RBMS3: variants seen among roughly 807,000 people sequenced by gnomAD.
The protein encoded by RBMS3 is RNA binding motif single stranded interacting protein 3, also known as RNA-binding motif, single-stranded-interacting protein 3.
Under a neutral mutation model 66.8 loss-of-function variants are expected in RBMS3, and 27 were observed. The ratio of observed to expected loss-of-function variants is 0.40; its 90% CI spans 0.30 to 0.56. RBMS3 has a LOEUF of 0.56. RBMS3 is among the 20% of genes least tolerant of loss of function. RBMS3 has a pLI of 0.40. For synonymous variants in RBMS3, 188 were observed against 183.0 expected (o/e 1.03, Z -0.22); for missense variants, 513 against 549.5 (o/e 0.93, Z 0.66).
chr3:29,409,155 T>A (rs1288896257), intron 1 of RBMS3, among the ~76,000 whole-genome samples: 1 of 150,690 alleles, frequency 6.6e-6, no homozygotes, highest in Admixed American at 6.6e-5. Context: ...ATTTTCTGTA[T>A]AACAAATAGA....
At chr3:29,753,270 A>T (rs2055261659) in intron 5 of RBMS3, among the ~76,000 whole-genome samples, 1 of 152,148 alleles carries the variant, frequency 6.6e-6, no homozygotes, top group Non-Finnish European at 1.5e-5. Context: ...GAACGATCCC[A>T]CTTTTACATT....
At chr3:29,518,644 C>T (rs1248212599) in intron 3 of RBMS3, among the ~76,000 whole-genome samples, 1 of 152,200 alleles carries the variant, frequency 6.6e-6, no homozygotes, top group Non-Finnish European at 1.5e-5. Context: ...ATTTTCATCT[C>T]GTCAACACAT....
At position 29,871,013 on chromosome 3, in the gene RBMS3, A is replaced by C. The variant is rs143665885; in HGVS notation, c.744+2049A>C. ...TGGATAACTGTGTGCCCATCACTTT[A>C]TATTTTTTGCTTCCATTTCCCCCTT... On this transcript the variant is annotated intron_variant, in intron 7 of 14. Transcript: ENST00000383767. Among the ~76,000 whole-genome samples the C allele has an allele frequency of 2.8e-4, 42 of 152,204 alleles. 1 individual carries two copies. The highest frequency in any genetic ancestry group is 9.6e-4 in the African/African-American group (40 of 41,554).
At chr3:29,637,545 A>G (rs1259247784) in intron 4 of RBMS3, among the ~76,000 whole-genome samples, 1 of 151,894 alleles carries the variant, frequency 6.6e-6, no homozygotes, top group African/African-American at 2.4e-5. Flanking sequence ...TAAGTTTCTT[A>G]TCTTGGAGAT....
At chr3:29,297,543 A>G (rs892998401) in intron 1 of RBMS3, among the ~76,000 whole-genome samples, 2 of 151,676 alleles carry the variant, frequency 1.3e-5, no homozygotes, top group African/African-American at 4.8e-5. Context: ...TCATATAGAG[A>G]TTTGCTCTCA....
intron 10 of RBMS3, among the ~76,000 whole-genome samples, chr3:29,900,920 TC>T (rs1296467158): frequency 1.3e-5 from 2 of 151,758 alleles, no homozygotes; most frequent in African/African-American, 4.8e-5. Context: ...TTTCCTGAAC[TC>T]AGAAAATTAG....
chr3:29,482,986 G>A (rs939659428), intron 2 of RBMS3, among the ~76,000 whole-genome samples: 1 of 151,786 alleles, frequency 6.6e-6, no homozygotes, highest in Admixed American at 6.6e-5. Flanking sequence ...GATTACAGAC[G>A]TGAGCCGCCG....
chr3:29,569,544 A>G (rs1210663969), intron 3 of RBMS3, among the ~76,000 whole-genome samples: 1 of 152,174 alleles, frequency 6.6e-6, no homozygotes, highest in Non-Finnish European at 1.5e-5. Flanking sequence ...TTGTCTCATA[A>G]GATTCTGATA....
chr3:29,495,186 A>G (rs1420660472), intron 3 of RBMS3, among the ~76,000 whole-genome samples: 1 of 147,994 alleles, frequency 6.8e-6, no homozygotes, highest in African/African-American at 2.5e-5. Context: ...TATAGAGAGG[A>G]TTTAGAGCCC....
intron 12 of RBMS3, among the ~76,000 whole-genome samples, chr3:29,987,480 C>T (rs368594437): frequency 4.6e-5 from 7 of 151,840 alleles, no homozygotes; most frequent in Non-Finnish European, 7.4e-5. Flanking sequence ...TTATTCATCC[C>T]GATAAGAAAA....
rs540276306 is a variant in RBMS3 at position 29,897,228 on chromosome 3, A to T, written c.792-151A>T. 3.3e-4 allele frequency: 211 copies of T among 642,084 alleles called. 3 individuals carry two copies. In the South Asian group the frequency reaches 3.9e-3, roughly 12 times the overall value. The allele number at this position is 642,084 out of a possible 1,614,324, so 39.8% of individuals were successfully genotyped here. Reference sequence around the variant, plus strand: ...TACTTATTTCTCTTAGTGGAATCAAATAATGTAAATCTCCTAGACGTTCTT... The same window carrying T: ...TACTTATTTCTCTTAGTGGAATCAATTAATGTAAATCTCCTAGACGTTCTT... On this transcript the variant is annotated intron_variant, in intron 8 of 14. Transcript: ENST00000383767.
intron 6 of RBMS3, among the ~76,000 whole-genome samples, chr3:29,862,793 G>A (rs1163948391): frequency 6.6e-6 from 1 of 150,488 alleles, no homozygotes; most frequent in Non-Finnish European, 1.5e-5. Context: ...GAAGTGAGCT[G>A]AGATCCAAGA....
At chr3:29,781,428 C>G (rs769039033) in intron 6 of RBMS3, among the ~76,000 whole-genome samples, 1 of 151,784 alleles carries the variant, frequency 6.6e-6, no homozygotes, top group African/African-American at 2.4e-5. Flanking sequence ...GGTTTTATAC[C>G]GCATTTTATT....
At chr3:29,311,021 G>A (rs2034341509) in intron 1 of RBMS3, among the ~76,000 whole-genome samples, 1 of 151,734 alleles carries the variant, frequency 6.6e-6, no homozygotes, top group African/African-American at 2.4e-5. Flanking sequence ...TATATCAATA[G>A]TGCCACTGTG....
At chr3:29,942,894 A>G (rs1479700093) in intron 11 of RBMS3, among the ~76,000 whole-genome samples, 1 of 149,450 alleles carries the variant, frequency 6.7e-6, no homozygotes, top group Non-Finnish European at 1.5e-5. Flanking sequence ...TATTTAAAAA[A>G]TTGGAAAAAC....
At chr3:29,838,416 TATG>T (rs2149498842) in intron 6 of RBMS3, among the ~76,000 whole-genome samples, 1 of 152,256 alleles carries the variant, frequency 6.6e-6, no homozygotes, top group Non-Finnish European at 1.5e-5. Flanking sequence ...ACGCTTTGAT[TATG>T]ATGAGAACAC....
intron 6 of RBMS3, among the ~76,000 whole-genome samples, chr3:29,860,387 C>G (rs942280223): frequency 2.0e-5 from 3 of 152,072 alleles, no homozygotes; most frequent in Non-Finnish European, 4.4e-5. Context: ...AGTAAGTGAC[C>G]GTTGACTTGT....
intron 11 of RBMS3, among the ~76,000 whole-genome samples, chr3:29,937,536 CT>C: frequency 6.6e-6 from 1 of 152,066 alleles, no homozygotes; most frequent in East Asian, 1.9e-4. Context: ...GAGCCACATT[CT>C]TTCAATAAAG....
intron 14 of RBMS3, among the ~76,000 whole-genome samples, chr3:29,992,352 C>T (rs887671341): frequency 2.0e-5 from 3 of 152,000 alleles, no homozygotes; most frequent in East Asian, 1.9e-4. Flanking sequence ...TATGGGAGGC[C>T]GAGGCGGGCG....
Sources: gnomAD v4.1 joint callset for allele counts (sites outside exome capture counted in the v4.1 genomes callset) on GRCh38, gnomAD v4.1.1 for gene constraint, MANE v1.5 for transcripts, NCBI Gene and HGNC (gene_info 2026-07-23, HGNC 2026-07-21) for gene names.